Variants in CAMTA1 observed in about 807,000 individuals in gnomAD.
CAMTA1 encodes calmodulin binding transcription activator 1, also known as calmodulin-binding transcription activator 1.
Under a neutral mutation model 170.9 loss-of-function variants are expected in CAMTA1, and 27 were observed. That is an observed-to-expected ratio of 0.16 (90% CI 0.12 to 0.22). The LOEUF (loss-of-function observed/expected upper bound fraction) is 0.22. CAMTA1 is among the 10% of genes least tolerant of loss of function. The pLI is 1.00. For synonymous variants in CAMTA1, 833 were observed against 891.5 expected, an observed-to-expected ratio of 0.93 and a Z score of 1.17; for missense variants, 1,619 against 2,217.2, an observed-to-expected ratio of 0.73 and a Z score of 5.42.
At chr1:7,757,026 C>T (rs919551035) in intron 22 of CAMTA1, among the ~76,000 whole-genome samples, 62 of 152,034 alleles carry the variant, frequency 4.1e-4, no homozygotes, top group African/African-American at 1.4e-3. Context: ...ATATTCAATG[C>T]CCCCTCTTCT....
At chr1:7,527,110 G>C (rs1398302633) in intron 6 of CAMTA1, among the ~76,000 whole-genome samples, 1 of 152,192 alleles carries the variant, frequency 6.6e-6, no homozygotes, top group Non-Finnish European at 1.5e-5. Flanking sequence ...CTGCCTGACT[G>C]TGCATCCTGA....
At chr1:7,153,386 T>C in intron 4 of CAMTA1, among the ~76,000 whole-genome samples, 1 of 152,138 alleles carries the variant, frequency 6.6e-6, no homozygotes, top group Non-Finnish European at 1.5e-5. Flanking sequence ...ACACACCTGC[T>C]GTCCAAACTG....
intron 3 of CAMTA1, among the ~76,000 whole-genome samples, chr1:6,944,638 T>C (rs1687277557): frequency 6.6e-6 from 1 of 152,118 alleles, no homozygotes; most frequent in South Asian, 2.1e-4. Flanking sequence ...CCTGCCCCGG[T>C]CTCCCTGTGT....
chr1:7,491,506 CAG>C (rs2093702812), intron 6 of CAMTA1, among the ~76,000 whole-genome samples: 1 of 152,218 alleles, frequency 6.6e-6, no homozygotes, highest in East Asian at 1.9e-4. Context: ...TTGCTTAAAA[CAG>C]GGCTTGGCGT....
intron 7 of CAMTA1, among the ~76,000 whole-genome samples, chr1:7,644,165 G>A (rs1411918878): frequency 6.6e-6 from 1 of 152,190 alleles, no homozygotes; most frequent in East Asian, 1.9e-4. Context: ...CACCTGCTGT[G>A]AGATGGGGGC....
intron 3 of CAMTA1, among the ~76,000 whole-genome samples, chr1:7,075,203 G>A (rs1025914205): frequency 2.6e-5 from 4 of 152,172 alleles, no homozygotes; most frequent in African/African-American, 9.7e-5. Flanking sequence ...AGTCTTCAGT[G>A]TCCAAGGGTA....
chr1:6,816,021 G>A (rs1274694761), intron 1 of CAMTA1, among the ~76,000 whole-genome samples: 5 of 152,020 alleles, frequency 3.3e-5, no homozygotes, highest in Non-Finnish European at 7.4e-5. Flanking sequence ...ATCACTTGGG[G>A]ACCTTTAAAA....
intron 6 of CAMTA1, among the ~76,000 whole-genome samples, chr1:7,608,843 G>T (rs1222793236): frequency 8.5e-5 from 13 of 152,122 alleles, no homozygotes; most frequent in Non-Finnish European, 2.9e-5. Flanking sequence ...CCGGCCACAG[G>T]TCCAGTCTCT....
intron 4 of CAMTA1, among the ~76,000 whole-genome samples, chr1:7,200,429 G>A (rs531247162): frequency 1.3e-5 from 2 of 152,264 alleles, no homozygotes; most frequent in African/African-American, 4.8e-5. Flanking sequence ...TCCCAGTAAT[G>A]TTCTTTATAG....
At chr1:7,743,909 C>T (rs1032414551) in intron 16 of CAMTA1, among the ~76,000 whole-genome samples, 4 of 150,974 alleles carry the variant, frequency 2.6e-5, no homozygotes, top group African/African-American at 9.8e-5. Flanking sequence ...TTACTGCAAG[C>T]TCCACCTCCC....
At chr1:7,418,748 G>A (rs2091363293) in intron 5 of CAMTA1, among the ~76,000 whole-genome samples, 1 of 152,142 alleles carries the variant, frequency 6.6e-6, no homozygotes, top group African/African-American at 2.4e-5. Flanking sequence ...TTGGTCAGCG[G>A]CAACCCTGTC....
intron 3 of CAMTA1, among the ~76,000 whole-genome samples, chr1:7,089,104 G>A (rs1015583195): frequency 2.6e-5 from 4 of 152,138 alleles, no homozygotes; most frequent in African/African-American, 7.2e-5. Context: ...CTAGACAGGT[G>A]GCTCACACCA....
At chr1:7,000,050 C>T (rs375933630) in intron 3 of CAMTA1, among the ~76,000 whole-genome samples, 28 of 152,338 alleles carry the variant, frequency 1.8e-4, no homozygotes, top group Non-Finnish European at 3.1e-4. Context: ...AGACTGTCTG[C>T]GTTGTCTGGG....
Position 7,146,581 on chromosome 1 carries a change from C to T in CAMTA1, c.302+55210C>T, listed in dbSNP as rs1349072090. On this transcript the variant is annotated intron_variant, in intron 4 of 22. Coordinates refer to ENST00000303635, the MANE Select transcript of CAMTA1 (RefSeq NM_015215.4). This position sits in a 1 kb window ranked among gnomAD's most constrained non-coding sequence, Gnocchi z 4.3. ...CTTGACCCCGGCCACGTCCTGCCGG[C>T]TCCTCCTCCTTGAACACCAACCATC... is the stretch of plus-strand genomic sequence containing the variant. Among the ~76,000 whole-genome samples the T allele has an allele frequency of 6.6e-6, 1 of 151,920 alleles. No homozygotes were observed. Among genetic ancestry groups the T allele is most frequent in the Non-Finnish European group, 1.5e-5 (1 of 67,970 alleles).
intron 6 of CAMTA1, among the ~76,000 whole-genome samples, chr1:7,535,208 G>C (rs1212180372): frequency 6.6e-6 from 1 of 152,206 alleles, no homozygotes; most frequent in Admixed American, 6.5e-5. Context: ...GTGACAAGGG[G>C]CTCTGATTGG....
chr1:7,683,764 C>T (rs2096233813), intron 11 of CAMTA1, among the ~76,000 whole-genome samples: 1 of 152,262 alleles, frequency 6.6e-6, no homozygotes, highest in Non-Finnish European at 1.5e-5. Flanking sequence ...CTCCTCGTAA[C>T]CCGTCTCTCG....
chr1:7,462,903 C>T (rs941952289), intron 5 of CAMTA1, among the ~76,000 whole-genome samples: 1 of 152,212 alleles, frequency 6.6e-6, no homozygotes, highest in Non-Finnish European at 1.5e-5. Flanking sequence ...CCTCCCTCCA[C>T]CCGTGTGCCC....
intron 3 of CAMTA1, among the ~76,000 whole-genome samples, chr1:7,039,800 A>G (rs1351765834): frequency 1.3e-5 from 2 of 152,162 alleles, no homozygotes; most frequent in African/African-American, 2.4e-5. Context: ...TGGGTAACCT[A>G]TAGGGGAGTG....
intron 5 of CAMTA1, among the ~76,000 whole-genome samples, chr1:7,457,412 G>A (rs2092983701): frequency 6.6e-6 from 1 of 152,024 alleles, no homozygotes; most frequent in African/African-American, 2.4e-5. Flanking sequence ...CAACAGGAAG[G>A]AGCTCAGGTG....
Sources: gnomAD v4.1 joint callset for allele counts (sites outside exome capture counted in the v4.1 genomes callset) on GRCh38, gnomAD v4.1.1 for gene constraint, Gnocchi (gnomAD v3.1) non-coding constraint, MANE v1.5 for transcripts, NCBI Gene and HGNC (gene_info 2026-07-23, HGNC 2026-07-21) for gene names.